The following P4HA1 variants were observed in gnomAD, a reference collection of about 807,000 sequenced individuals.
P4HA1 encodes prolyl 4-hydroxylase subunit alpha 1.
A neutral mutation model predicts 72.8 loss-of-function variants in P4HA1; 24 were observed. The ratio of observed to expected loss-of-function variants is 0.33; its 90% CI spans 0.24 to 0.46. The LOEUF (loss-of-function observed/expected upper bound fraction) is 0.46, where lower values mean the gene tolerates loss of function less well. Ranked by LOEUF, P4HA1 falls within the 20% of genes least tolerant of loss-of-function variation. The probability of loss-of-function intolerance (pLI) is 1.00; values close to 1 mark genes in which losing one functional copy is unlikely to be tolerated. For missense variants in P4HA1, 446 were observed against 640.6 expected (o/e 0.70, Z 3.28); for synonymous variants, 201 against 218.8 (o/e 0.92, Z 0.72).
chr10:73,027,170 T>G (rs1352352877), intron 10 of P4HA1, among the ~76,000 whole-genome samples: 1 of 152,182 alleles, frequency 6.6e-6, no homozygotes, highest in Non-Finnish European at 1.5e-5. Flanking sequence ...GTGGCACTAT[T>G]CACAATAGCA....
intron 1 of P4HA1, among the ~76,000 whole-genome samples, chr10:73,081,999 G>C (rs1841835778): frequency 6.6e-6 from 1 of 152,224 alleles, no homozygotes; most frequent in South Asian, 2.1e-4. Flanking sequence ...CTGGGCAACA[G>C]AGCGAGACTC....
intron 1 of P4HA1, among the ~76,000 whole-genome samples, chr10:73,076,345 T>C (rs909617286): frequency 2.2e-4 from 33 of 150,764 alleles, no homozygotes; most frequent in Admixed American, 5.9e-4. Flanking sequence ...AATACAGGTC[T>C]GTACCACTGT....
In P4HA1 at chr10:73,068,903, G is replaced by A. The variant is rs770465540; in HGVS notation, c.406C>T (p.Arg136Cys). Residue 136 changes from arginine (R) to cysteine (C), a missense_variant, in exon 5 of 15, where the codon CGT becomes TGT. By Grantham distance (180) the Arg-to-Cys change is radical. Transcript: ENST00000394890. Reference protein sequence around the residue: ...DQVGAAKALLRLQDTYNLDTD... With the variant: ...DQVGAAKALLCLQDTYNLDTD... ...TCCAAATTGTAGGTATCCTGGAGAC[G>A]TAACAGAGCTTTGGCTGCCCCAACC... The A allele has an allele frequency of 3.1e-6, 5 of 1,611,464 alleles. No homozygotes were observed. The highest frequency in any genetic ancestry group is 1.1e-5 in the South Asian group (1 of 91,016).
intron 1 of P4HA1, among the ~76,000 whole-genome samples, chr10:73,086,939 A>G (rs1319077201): frequency 7.7e-6 from 1 of 130,104 alleles, no homozygotes; most frequent in East Asian, 3.9e-4. Flanking sequence ...ATCTCAAAAA[A>G]AAAAAAAAAA....
At chr10:73,042,422 A>T (rs1169768416) in intron 9 of P4HA1, among the ~76,000 whole-genome samples, 1 of 152,188 alleles carries the variant, frequency 6.6e-6, no homozygotes, top group Non-Finnish European at 1.5e-5. Flanking sequence ...AATGCCTGTT[A>T]AAATCTATGT....
Position 73,009,817 on chromosome 10 carries a change from G to A in P4HA1, c.1524C>T (p.Gly508=), listed in dbSNP as rs749521770. ...ATATGAAATATTTACCCCATTTGTT[G>A]CCAACTAGCACTGGACAGGCTGCAT... ...TRHAACPVLV[G]NKWVSNKWLH... is the part of the protein sequence containing the mutation. Residue 508 remains glycine, a synonymous_variant, in exon 14 of 15, where the codon GGC becomes GGT. Transcript: ENST00000394890. 6.4e-7 allele frequency: 1 copy of A among 1,574,706 alleles called. No individual in the cohort carries two copies. Among genetic ancestry groups the A allele is most frequent in the Non-Finnish European group, 8.7e-7 (1 of 1,144,348 alleles).
chr10:73,011,922 A>AAAT (rs1482176002), intron 12 of P4HA1, among the ~76,000 whole-genome samples: 1 of 152,206 alleles, frequency 6.6e-6, no homozygotes, highest in Non-Finnish European at 1.5e-5. Flanking sequence ...TTACAATGAT[A>AAAT]AATACATAAC....
At position 73,072,050 on chromosome 10, in the gene P4HA1, C is replaced by A; in HGVS notation, c.304G>T (p.Val102Phe). ...NTEWSELENL[V>F]LKDMSDGFIS... ...TTACCATCTGACATATCCTTAAGGA[C>A]CAGATTCTCCAACTCACTCCACTCA... The change falls in exon 4 of 15, where the codon GTC becomes TTC. Residue 102 changes from valine (V) to phenylalanine (F), a missense_variant. By Grantham distance (50) the Val-to-Phe change is conservative. Coordinates refer to ENST00000394890, the MANE Select transcript of P4HA1 (RefSeq NM_001017962.3). The A allele has an allele frequency of 6.2e-7, 1 of 1,612,332 alleles. No individual in the cohort carries two copies.
At chr10:73,049,930 G>A (rs1040364166) in intron 7 of P4HA1, among the ~76,000 whole-genome samples, 16 of 152,038 alleles carry the variant, frequency 1.1e-4, no homozygotes, top group African/African-American at 1.7e-4. Flanking sequence ...TTAGGAGGCC[G>A]AGGCGGGAGG....
intron 1 of P4HA1, among the ~76,000 whole-genome samples, chr10:73,094,538 G>C (rs1169891249): frequency 8.5e-5 from 13 of 152,158 alleles, no homozygotes. Context: ...TATCTCACAG[G>C]TCAATTCAAG....
chr10:73,070,919 G>A (rs1039876424), intron 4 of P4HA1, among the ~76,000 whole-genome samples: 6 of 152,062 alleles, frequency 3.9e-5, no homozygotes, highest in South Asian at 4.2e-4. Flanking sequence ...CATGGCTCAC[G>A]CGTGTAATCC....
At chr10:73,085,671 C>A (rs1841911444) in intron 1 of P4HA1, among the ~76,000 whole-genome samples, 1 of 152,138 alleles carries the variant, frequency 6.6e-6, no homozygotes, top group Non-Finnish European at 1.5e-5. Context: ...GAGTGACCCA[C>A]CGCACCCGGC....
Position 73,014,965 on chromosome 10 carries a change from G to C in P4HA1, c.1303-676C>G, listed in dbSNP as rs1010981941. On this transcript the variant is annotated intron_variant, in intron 11 of 14. Coordinates refer to ENST00000394890, the MANE Select transcript of P4HA1 (RefSeq NM_001017962.3). Reference sequence around the variant, plus strand: ...TGCCTCAGCCTCCCAAGTGGCTGGGGCTACAGGCGTGTACCACCATGCCTG... The same window carrying C: ...TGCCTCAGCCTCCCAAGTGGCTGGGCCTACAGGCGTGTACCACCATGCCTG... Among the ~76,000 whole-genome samples, 15 of 151,636 alleles carry C rather than the reference G, an allele frequency of 9.9e-5. No homozygotes were observed. In the East Asian group the frequency reaches 2.9e-3, roughly 29 times the overall value.
At chr10:73,058,774 CTTTTTT>C (rs151028824) in intron 5 of P4HA1, among the ~76,000 whole-genome samples, 25 of 123,838 alleles carry the variant, frequency 2.0e-4, no homozygotes, top group Admixed American at 7.4e-4. Context: ...TTATAGTATG[CTTTTTT>C]TTTTTTTTTT....
At position 73,030,367 on chromosome 10, in the gene P4HA1, G is replaced by C. The variant is rs983853216; in HGVS notation, c.1152C>G (p.Ala384=). 5 of 1,535,794 alleles carry C rather than the reference G, an allele frequency of 3.3e-6. No individual in the cohort carries two copies. The African/African-American group carries it at 4.1e-5, about 13-fold the overall frequency. The change falls in exon 10 of 15, where the codon GCC becomes GCG. Residue 384 remains alanine, a synonymous_variant. Transcript: ENST00000394890. The part of the protein sequence containing the change: ...ETVHYRISKS[A]WLSGYENPVV... The stretch of plus-strand genomic sequence containing the variant: ...CAGGATTTTCATAGCCAGAGAGCCA[G>C]GCACTAAGAATAAGAGGAATATTAG...
chr10:73,084,674 C>T (rs1048127477), intron 1 of P4HA1, among the ~76,000 whole-genome samples: 2 of 152,130 alleles, frequency 1.3e-5, no homozygotes, highest in African/African-American at 4.8e-5. Context: ...GGGAAAAAAA[C>T]TGGCATTCTC....
At chr10:73,079,396 A>G (rs949090800) in intron 1 of P4HA1, among the ~76,000 whole-genome samples, 3 of 152,120 alleles carry the variant, frequency 2.0e-5, no homozygotes, top group African/African-American at 7.2e-5. Flanking sequence ...GCAGCGGGCC[A>G]TGAATGTGCT....
At chr10:73,035,729 G>A (rs1023219419) in intron 9 of P4HA1, among the ~76,000 whole-genome samples, 2 of 152,112 alleles carry the variant, frequency 1.3e-5, no homozygotes, top group Admixed American at 1.3e-4. Context: ...TTTACATTTT[G>A]ATAAATGTCA....
intron 10 of P4HA1, among the ~76,000 whole-genome samples, chr10:73,027,744 CAGGG>C (rs1387423806): frequency 1.6e-5 from 2 of 124,110 alleles, no homozygotes; most frequent in Non-Finnish European, 3.3e-5. Flanking sequence ...AGGATGGATG[CAGGG>C]AGGGAGGGAA....
Sources: allele counts gnomAD v4.1 joint callset (sites outside exome capture counted in the v4.1 genomes callset), GRCh38; gene constraint gnomAD v4.1.1; transcripts MANE v1.5; gene names NCBI Gene and HGNC (gene_info 2026-07-23, HGNC 2026-07-21).